Variants in SHANK1 observed in about 807,000 individuals in gnomAD.
SHANK1 encodes SH3 and multiple ankyrin repeat domains protein 1.
A neutral mutation model predicts 165.6 loss-of-function variants in SHANK1; 35 were observed. The ratio of observed to expected loss-of-function variants is 0.21; its 90% CI spans 0.16 to 0.28. The LOEUF (loss-of-function observed/expected upper bound fraction) is 0.28. SHANK1 is among the 10% of genes least tolerant of loss of function. The pLI is 1.00. For synonymous variants in SHANK1, 1,428 were observed against 1,384.8 expected, an observed-to-expected ratio of 1.03 and a Z score of -0.69; for missense variants, 2,681 against 3,036.4, an observed-to-expected ratio of 0.88 and a Z score of 2.75.
At chr19:50,700,797 CTTTCT>C (rs1448909928) in intron 12 of SHANK1, among the ~76,000 whole-genome samples, 1 of 152,110 alleles carries the variant, frequency 6.6e-6, no homozygotes, top group Non-Finnish European at 1.5e-5. Flanking sequence ...CTCAGCTCAC[CTTTCT>C]TTTCTCCCAT....
At position 50,718,368 on chromosome 19, in the gene SHANK1, C is replaced by G. The variant is rs1007173851; in HGVS notation, c.-44+1038G>C. Among the ~76,000 whole-genome samples, 4 of 152,176 alleles carry G rather than the reference C, an allele frequency of 2.6e-5. No homozygotes were observed. Among genetic ancestry groups the G allele is most frequent in the Admixed American group, 2.6e-4 (4 of 15,288 alleles). On this transcript the variant is annotated intron_variant, in intron 1 of 23. Coordinates refer to ENST00000293441, the MANE Select transcript of SHANK1 (RefSeq NM_016148.5). This position sits in a 1 kb window ranked among gnomAD's most constrained non-coding sequence, Gnocchi z 5.1. Reference sequence around the variant, plus strand: ...CCTCGCGATCTGGGGCCCGCAGACACTCCCCCTCGGCTGACCCTGGCTGAC... The same window carrying G: ...CCTCGCGATCTGGGGCCCGCAGACAGTCCCCCTCGGCTGACCCTGGCTGAC...
At chr19:50,679,891 GAGAC>G (rs1156306725) in intron 21 of SHANK1, among the ~76,000 whole-genome samples, 7 of 151,968 alleles carry the variant, frequency 4.6e-5, no homozygotes, top group African/African-American at 1.7e-4. Context: ...GATGGGGAGA[GAGAC>G]AGAGATGGAG....
intron 4 of SHANK1, among the ~76,000 whole-genome samples, chr19:50,714,844 C>CT (rs939867729): frequency 6.6e-6 from 1 of 151,870 alleles, no homozygotes; most frequent in Admixed American, 6.6e-5. Context: ...GGTTATTTAA[C>CT]TTTTTTTTGG....
At chr19:50,673,590 C>A (rs1210916217) in intron 21 of SHANK1, among the ~76,000 whole-genome samples, 2 of 152,256 alleles carry the variant, frequency 1.3e-5, no homozygotes, top group African/African-American at 4.8e-5. Context: ...TCCCCAGAAA[C>A]CATCTTGTTT....
At chr19:50,669,400 A>G in intron 22 of SHANK1, 115 bp from the exon 23 acceptor site, 1 of 707,164 alleles carries the variant, frequency 1.4e-6, no homozygotes, top group South Asian at 1.8e-5. Flanking sequence ...CGTATATGCC[A>G]GGAACTTCAC....
At position 50,688,185 on chromosome 19, in the gene SHANK1, C is replaced by T; in HGVS notation, c.2173-127G>A. 1 of 1,177,944 alleles carries T rather than the reference C, an allele frequency of 8.5e-7. No homozygotes were observed. Among genetic ancestry groups the T allele is most frequent in the Non-Finnish European group, 1.2e-6 (1 of 830,542 alleles). The allele number at this position is 1,177,944 out of a possible 1,614,324, so 73.0% of individuals were successfully genotyped here. ...TGGCCCTCTGGGCTATGTTCCTCTC[C>T]CTCCGACCCTTCATACCACCGCCTC... On this transcript the variant is annotated intron_variant, in intron 17 of 23. Transcript: ENST00000293441. This position sits in a 1 kb window ranked among gnomAD's most constrained non-coding sequence, Gnocchi z 6.7.
chr19:50,672,047 G>A lies in SHANK1; in HGVS notation c.2645C>T (p.Pro882Leu), dbSNP rs1458462524. Residue 882 changes from proline (P) to leucine (L), a missense_variant, in exon 22 of 24, where the codon CCT (proline) becomes CTT (leucine). Pro to Leu is a moderately conservative substitution (Grantham distance 98). Around this residue, in one of 10 missense-constraint regions of SHANK1, gnomAD observed 206 missense variants for 216.0 expected, o/e 0.95. Coordinates refer to ENST00000293441, the MANE Select transcript of SHANK1 (RefSeq NM_016148.5). ...AGATTTTTGCCGGAGCATCAACCCA[G>A]GTCCTGGAGGCAGGAAAGAAGGACG... The part of the protein sequence containing the change: ...YERPSFLPPG[P>L]GLMLRQKSIG... 1 of 1,613,744 alleles carries A rather than the reference G, an allele frequency of 6.2e-7. No homozygotes were observed. The highest frequency in any genetic ancestry group is 8.5e-7 in the Non-Finnish European group (1 of 1,179,942).
In SHANK1 at chr19:50,668,864, G is replaced by C; in HGVS notation, c.3096C>G (p.Pro1032=). Residue 1032 remains proline, a synonymous_variant, in exon 23 of 24, where the codon CCC becomes CCG. Transcript: ENST00000293441. ...GAGCCAGGCGGGGTGGAGGGTCGTCGGGAGAGCCGCCTGTCTCCATCTCGG... is the reference window on the plus strand; with the variant it reads ...GAGCCAGGCGGGGTGGAGGGTCGTCCGGAGAGCCGCCTGTCTCCATCTCGG... The part of the protein sequence containing the change: ...HPPEMETGGS[P]DDPPPRLALG... 1 of 1,290,966 alleles carries C rather than the reference G, an allele frequency of 7.7e-7. No homozygotes were observed. The highest frequency in any genetic ancestry group is 3.1e-5 in the East Asian group (1 of 31,864). The allele number at this position is 1,290,966 out of a possible 1,614,324, so 80.0% of individuals were successfully genotyped here. A position where few individuals can be genotyped will look rare whatever the true frequency, so the allele number is the denominator to read the frequency against.
At position 50,686,163 on chromosome 19, in the gene SHANK1, G is replaced by T; in HGVS notation, c.2577+74C>A. 1.2e-6 allele frequency: 1 copy of T among 862,804 alleles called. No individual in the cohort carries two copies. The highest frequency in any genetic ancestry group is 1.7e-5 in the African/African-American group (1 of 58,274). 53.4% of individuals were successfully genotyped at this position (862,804 alleles called of 1,614,324 possible). On this transcript the variant is annotated intron_variant, in intron 21 of 23. Coordinates refer to ENST00000293441, the MANE Select transcript of SHANK1 (RefSeq NM_016148.5). This position sits in a 1 kb window ranked among gnomAD's most constrained non-coding sequence, Gnocchi z 5.7. ...GCACAGAGGCGTCAGGAGGGTTTTG[G>T]AAAGAGAAAGGCTCCAGGTTGGTGT...
intron 21 of SHANK1, among the ~76,000 whole-genome samples, chr19:50,676,147 T>G (rs1407606180): frequency 6.6e-6 from 1 of 151,826 alleles, no homozygotes; most frequent in African/African-American, 2.4e-5. Flanking sequence ...CAATTTTTTT[T>G]TTTTAATTAG....
Position 50,668,387 on chromosome 19 carries a change from G to A in SHANK1, c.3573C>T (p.Gly1191=), listed in dbSNP as rs750211822. The change falls in exon 23 of 24, where the codon GGC becomes GGT. Residue 1191 remains glycine, a synonymous_variant. Coordinates refer to ENST00000293441, the MANE Select transcript of SHANK1 (RefSeq NM_016148.5). The part of the protein sequence containing the change: ...PPTQPEPTGG[G]GGGGSSPSPA... The stretch of plus-strand genomic sequence containing the variant: ...GGCTGGGCGAGGAGCCGCCGCCGCC[G>A]CCGCCTCCCGTGGGCTCCGGCTGGG... The A allele has an allele frequency of 2.3e-6, 3 of 1,303,130 alleles. No individual in the cohort carries two copies. Among genetic ancestry groups the A allele is most frequent in the South Asian group, 6.0e-5 (2 of 33,448 alleles). The allele number at this position is 1,303,130 out of a possible 1,614,324, so 80.7% of individuals were successfully genotyped here.
At position 50,660,359 on chromosome 19, in the gene SHANK1, T is replaced by G; in HGVS notation, c.*1606A>C. 6.6e-6 allele frequency among the ~76,000 whole-genome samples: 1 copy of G among 150,774 alleles called. No individual in the cohort carries two copies. The highest frequency in any genetic ancestry group is 2.0e-4 in the East Asian group (1 of 5,100). ...CCCAGGAAAGACAGAAGAGGGAGGA[T>G]GTGAGGAAGGGTGAGGGCTGGAGGC... On this transcript the variant is annotated 3_prime_UTR_variant, in exon 24 of 24. Coordinates refer to ENST00000293441, the MANE Select transcript of SHANK1 (RefSeq NM_016148.5).
At chr19:50,691,399 C>T (rs1263483540) in intron 15 of SHANK1, among the ~76,000 whole-genome samples, 1 of 152,136 alleles carries the variant, frequency 6.6e-6, no homozygotes, top group Non-Finnish European at 1.5e-5. Context: ...GAGGCAACCT[C>T]ACTTTCTTTC....
Position 50,690,130 on chromosome 19 carries a change from G to A in SHANK1, c.1965-851C>T, listed in dbSNP as rs997107149. The stretch of plus-strand genomic sequence containing the variant: ...CTCCCCGTGGACAGCACTGTCTTCT[G>A]TATTCCCTGGTGCATCTCAAATGGA... On this transcript the variant is annotated intron_variant, in intron 15 of 23. Coordinates refer to ENST00000293441, the MANE Select transcript of SHANK1 (RefSeq NM_016148.5). This position sits in a 1 kb window ranked among gnomAD's most constrained non-coding sequence, Gnocchi z 4.9. Among the ~76,000 whole-genome samples, 4 of 152,142 alleles carry A rather than the reference G, an allele frequency of 2.6e-5. No homozygotes were observed. The highest frequency in any genetic ancestry group is 9.7e-5 in the African/African-American group (4 of 41,412).
At chr19:50,707,888 TTTCTTTTCTTTTCTTTTCTTTTC>T (rs767504261) in intron 8 of SHANK1, among the ~76,000 whole-genome samples, 1,884 of 29,246 alleles carry the variant, frequency 0.064, 66 homozygotes, top group South Asian at 0.1. Context: ...TTTCTTTTCT[TTTCTTTTCTTTTCTTTTCTTTTC>T]TTTTCTTTTC....
chr19:50,663,938 C>T (rs74594672), intron 23 of SHANK1, among the ~76,000 whole-genome samples: 52 of 37,100 alleles, frequency 1.4e-3, no homozygotes, highest in South Asian at 4.7e-3. Flanking sequence ...CTCTCTCTCT[C>T]TCTTTTTTTT....
At chr19:50,677,788 G>A (rs1357924128) in intron 21 of SHANK1, among the ~76,000 whole-genome samples, 1 of 152,184 alleles carries the variant, frequency 6.6e-6, no homozygotes, top group African/African-American at 2.4e-5. Context: ...TTCAGGAGGT[G>A]TCGCCTGAAG....
In SHANK1 at chr19:50,662,369, G is replaced by A. The variant is rs1345586294; in HGVS notation, c.6082C>T (p.Leu2028Phe). 6 of 1,588,524 alleles carry A rather than the reference G, an allele frequency of 3.8e-6. No individual in the cohort carries two copies. Among genetic ancestry groups the A allele is most frequent in the South Asian group, 1.1e-5 (1 of 87,676 alleles). The change falls in exon 24 of 24, where the codon CTC becomes TTC. Residue 2028 changes from leucine (L) to phenylalanine (F), a missense_variant. Around this residue, in one of 10 missense-constraint regions of SHANK1, gnomAD observed 1,713 missense variants for 1,630.2 expected, o/e 1.05. Transcript: ENST00000293441. This position sits in a 1 kb window ranked among gnomAD's most constrained non-coding sequence, Gnocchi z 7.7. ...SSLPILPSGP[L>F]YPGLFDIRGS... is the part of the protein sequence containing the mutation. ...CGGATGTCAAAGAGGCCTGGGTAGA[G>A]GGGTCCGGAAGGCAGGATGGGCAGG...
chr19:50,711,909 C>T (rs770804160), intron 7 of SHANK1, 38 bp downstream of exon 7: 2 of 1,611,030 alleles, frequency 1.2e-6, no homozygotes, highest in Non-Finnish European at 1.7e-6. Context: ...GGGACTGGGT[C>T]CCCCACCCCA....
Sources: gnomAD v4.1 joint callset for allele counts (sites outside exome capture counted in the v4.1 genomes callset) on GRCh38, gnomAD v4.1.1 for gene constraint, gnomAD v4.1.1 regional missense constraint, Gnocchi (gnomAD v3.1) non-coding constraint, MANE v1.5 for transcripts, NCBI Gene and HGNC (gene_info 2026-07-23, HGNC 2026-07-21) for gene names.